Variants in CCDC134 observed in about 807,000 individuals in gnomAD.
The protein encoded by CCDC134 is coiled-coil domain containing 134, also known as coiled-coil domain-containing protein 134.
Under a neutral mutation model 25.6 loss-of-function variants are expected in CCDC134, and 27 were observed. The ratio of observed to expected loss-of-function variants is 1.05; its 90% CI spans 0.78 to 1.45. CCDC134 has a LOEUF of 1.45. Among genes scored for constraint, CCDC134 ranks in the 40% most tolerant of loss-of-function variants. The pLI, the probability that CCDC134 is intolerant of heterozygous loss-of-function variation, is 0.00. For missense variants in CCDC134, 261 were observed against 286.7 expected (o/e 0.91, Z 0.65); for synonymous variants, 110 against 115.0 (o/e 0.96, Z 0.28).
At chr22:41,805,425 T>TA (rs1161731524) in intron 1 of CCDC134, among the ~76,000 whole-genome samples, 4 of 150,382 alleles carry the variant, frequency 2.7e-5, no homozygotes, top group Non-Finnish European at 5.9e-5. Context: ...GTCTAAAAAA[T>TA]AAAAAATAAA....
At chr22:41,805,966 A>G (rs959440863) in intron 1 of CCDC134, among the ~76,000 whole-genome samples, 3 of 152,174 alleles carry the variant, frequency 2.0e-5, no homozygotes, top group African/African-American at 7.2e-5. Context: ...ATCAGTTTTT[A>G]ATTGAGTTCT....
At chr22:41,804,655 G>A (rs1183360051) in intron 1 of CCDC134, among the ~76,000 whole-genome samples, 1 of 152,200 alleles carries the variant, frequency 6.6e-6, no homozygotes, top group Non-Finnish European at 1.5e-5. Context: ...GGAAGTGACA[G>A]ATTTTACTCA....
chr22:41,825,143 G>A lies in CCDC134; in HGVS notation c.565-555G>A. ...TGGAAATGGAGATGCAAGTTTGAGG[G>A]GTAACTAACCACACAGGCCAACAGA... On this transcript the variant is annotated intron_variant, in intron 6 of 6. Coordinates refer to ENST00000255784, the MANE Select transcript of CCDC134 (RefSeq NM_024821.5). This position sits in a 1 kb window ranked among gnomAD's most constrained non-coding sequence, Gnocchi z 4.4. Among the ~76,000 whole-genome samples the A allele has an allele frequency of 6.6e-6, 1 of 152,048 alleles. No homozygotes were observed. The highest frequency in any genetic ancestry group is 1.9e-4 in the East Asian group (1 of 5,192).
intron 1 of CCDC134, among the ~76,000 whole-genome samples, chr22:41,806,472 G>A (rs950265666): frequency 3.3e-5 from 5 of 151,552 alleles, no homozygotes; most frequent in Admixed American, 1.3e-4. Context: ...CGCCCACCTC[G>A]GCCTCCCAAA....
rs1362844371 is a variant in CCDC134, at chr22:41,829,226, G to A, written c.*3403G>A. On this transcript the variant is annotated 3_prime_UTR_variant, in exon 7 of 7. Transcript: ENST00000255784. ...CATCTTCCTCCCCTTCCCCATCACTGTCCTCAGAGAGATGCTGTTGACAGC... is the reference window on the plus strand; with the variant it reads ...CATCTTCCTCCCCTTCCCCATCACTATCCTCAGAGAGATGCTGTTGACAGC... Among the ~76,000 whole-genome samples the A allele has an allele frequency of 6.6e-6, 1 of 152,080 alleles. No homozygotes were observed. Among genetic ancestry groups the A allele is most frequent in the African/African-American group, 2.4e-5 (1 of 41,390 alleles).
intron 6 of CCDC134, among the ~76,000 whole-genome samples, chr22:41,821,633 G>A: frequency 6.6e-6 from 1 of 152,182 alleles, no homozygotes; most frequent in East Asian, 1.9e-4. Context: ...TCCCTTGGGA[G>A]AGACCACAGC....
chr22:41,823,027 A>C (rs961346127), intron 6 of CCDC134, among the ~76,000 whole-genome samples: 2 of 152,206 alleles, frequency 1.3e-5, no homozygotes, highest in Non-Finnish European at 2.9e-5. Flanking sequence ...GGAACAAATA[A>C]AAGGGTGTGT....
Position 41,825,782 on chromosome 22 carries a change from C to T in CCDC134, c.649C>T (p.Arg217Ter), listed in dbSNP as rs181190756. The T allele has an allele frequency of 9.3e-6, 15 of 1,614,172 alleles. No individual in the cohort carries two copies. Among genetic ancestry groups the T allele is most frequent in the Admixed American group, 3.3e-5 (2 of 60,028 alleles). Residue 217 changes from arginine (R) to a stop codon, truncating the protein, a stop_gained, in exon 7 of 7, where the codon CGA becomes TGA. Coordinates refer to ENST00000255784, the MANE Select transcript of CCDC134 (RefSeq NM_024821.5). LOFTEE classifies it high-confidence loss of function. The surrounding 1 kb of genome is among the most constrained non-coding windows in gnomAD (Gnocchi z 4.4). ...GAAAGAGGAGAAGCGGAAGGAGATC[C>T]GAAAAGGCCCAAGGATCTCCAGATC... ...RKKEEKRKEI[R>*]KGPRISRSQS... is the part of the protein sequence containing the mutation.
chr22:41,817,360 G>A (rs2076627446), intron 6 of CCDC134, among the ~76,000 whole-genome samples: 1 of 152,128 alleles, frequency 6.6e-6, no homozygotes, highest in Non-Finnish European at 1.5e-5. Context: ...GCTTTATGAT[G>A]GGCATCTAAA....
rs1388016763 is a variant in CCDC134, at chr22:41,828,358, CT to C, written c.*2537del. Among the ~76,000 whole-genome samples the C allele has an allele frequency of 2.0e-5, 3 of 152,180 alleles. No homozygotes were observed. The highest frequency in any genetic ancestry group is 2.9e-5 in the Non-Finnish European group (2 of 68,040). On this transcript the variant is annotated 3_prime_UTR_variant, in exon 7 of 7. Transcript: ENST00000255784. Reference sequence around the variant, plus strand: ...GATGTGTGCCCTTCTCTGACGGTTCCTTGTTCATCCCATGTATTTACTGACT... The same window carrying C: ...GATGTGTGCCCTTCTCTGACGGTTCCTGTTCATCCCATGTATTTACTGACT...
intron 6 of CCDC134, among the ~76,000 whole-genome samples, chr22:41,821,034 C>A (rs1244526475): frequency 1.3e-5 from 2 of 152,150 alleles, no homozygotes; most frequent in Non-Finnish European, 2.9e-5. Context: ...GCAGAAGGAG[C>A]AGTCAGCATG....
intron 6 of CCDC134, among the ~76,000 whole-genome samples, chr22:41,823,472 C>T (rs2148320625): frequency 6.7e-6 from 1 of 149,760 alleles, no homozygotes; most frequent in South Asian, 2.1e-4. Flanking sequence ...GTGATCTGCC[C>T]ACCTCAGTTT....
intron 1 of CCDC134, among the ~76,000 whole-genome samples, chr22:41,802,043 A>C (rs2076546140): frequency 6.6e-6 from 1 of 152,126 alleles, no homozygotes; most frequent in Admixed American, 6.5e-5. Context: ...TTTTCTGTGT[A>C]AGTTTGCAGT....
chr22:41,816,933 A>G (rs1052225154), intron 6 of CCDC134, among the ~76,000 whole-genome samples: 1 of 151,678 alleles, frequency 6.6e-6, no homozygotes, highest in Non-Finnish European at 1.5e-5. Context: ...AAAACAAAAC[A>G]AAAAGCATAT....
At chr22:41,810,048 A>G (rs372241506) in intron 3 of CCDC134, 48 bp downstream of exon 3, 4 of 1,610,760 alleles carry the variant, frequency 2.5e-6, no homozygotes, top group South Asian at 1.1e-5. Context: ...TCTTTGATCT[A>G]GGCACTGATG....
At position 41,831,317 on chromosome 22, in the gene CCDC134, G is replaced by C. The variant is rs540676712; in HGVS notation, c.*5494G>C. 1 of 152,068 alleles carries C rather than the reference G, an allele frequency of 6.6e-6. No homozygotes were observed. The highest frequency in any genetic ancestry group is 1.9e-4 in the East Asian group (1 of 5,160). 9.4% of individuals were successfully genotyped at this position (152,068 alleles called of 1,614,324 possible). On this transcript the variant is annotated 3_prime_UTR_variant, in exon 7 of 7. Transcript: ENST00000255784. ...GTTCCGGCAGTTCTCCTACCGGTTAGCTGGGATTACAGGCATGCGCCACCA... is the reference window on the plus strand; with the variant it reads ...GTTCCGGCAGTTCTCCTACCGGTTACCTGGGATTACAGGCATGCGCCACCA...
chr22:41,828,154 A>G lies in CCDC134; in HGVS notation c.*2331A>G, dbSNP rs2076688435. Among the ~76,000 whole-genome samples, 1 of 152,146 alleles carries G rather than the reference A, an allele frequency of 6.6e-6. No homozygotes were observed. Among genetic ancestry groups the G allele is most frequent in the East Asian group, 1.9e-4 (1 of 5,200 alleles). On this transcript the variant is annotated 3_prime_UTR_variant, in exon 7 of 7. Coordinates refer to ENST00000255784, the MANE Select transcript of CCDC134 (RefSeq NM_024821.5). ...AAGCAGAGCTGGGCAACTGCAGAGC[A>G]ATGGGGAAGCCAGCCCAGTGTGGTG...
At chr22:41,806,466 C>A (rs573801876) in intron 1 of CCDC134, among the ~76,000 whole-genome samples, 1 of 151,800 alleles carries the variant, frequency 6.6e-6, no homozygotes. Context: ...GTGATCCGCC[C>A]ACCTCGGCCT....
At chr22:41,810,390 G>A in intron 4 of CCDC134, 99 bp downstream of exon 4, 1 of 1,135,188 alleles carries the variant, frequency 8.8e-7, no homozygotes, top group Non-Finnish European at 1.3e-6. Context: ...CTCCCCGGAA[G>A]TGCCCTCTTG....
Sources: gnomAD v4.1 joint callset for allele counts (sites outside exome capture counted in the v4.1 genomes callset) on GRCh38, gnomAD v4.1.1 for gene constraint, Gnocchi (gnomAD v3.1) non-coding constraint, MANE v1.5 for transcripts, NCBI Gene and HGNC (gene_info 2026-07-23, HGNC 2026-07-21) for gene names.